Variants in MYO3A observed in about 807,000 individuals in gnomAD.
MYO3A encodes the protein myosin IIIA.
In MYO3A, 180 loss-of-function variants were observed where a neutral mutation model predicts 192.7. The ratio of observed to expected loss-of-function variants is 0.93; its 90% CI spans 0.83 to 1.06. MYO3A has a LOEUF of 1.06. Ranked by LOEUF, MYO3A falls within the 50% of genes least tolerant of loss-of-function variation. The pLI, the probability that MYO3A is intolerant of heterozygous loss-of-function variation, is 0.00. For missense variants in MYO3A, 1,896 were observed against 1,905.0 expected (o/e 1.00, Z 0.09); for synonymous variants, 628 against 645.3 (o/e 0.97, Z 0.41).
intron 10 of MYO3A, among the ~76,000 whole-genome samples, chr10:26,043,498 G>C (rs1239109612): frequency 6.6e-6 from 1 of 152,158 alleles, no homozygotes; most frequent in Non-Finnish European, 1.5e-5. Flanking sequence ...GTGTTCTATT[G>C]TAGTGTGGGT....
intron 20 of MYO3A, among the ~76,000 whole-genome samples, chr10:26,133,140 C>A (rs1839636314): frequency 1.3e-5 from 2 of 152,104 alleles, no homozygotes; most frequent in African/African-American, 4.8e-5. Context: ...AACTTTCTTC[C>A]CTATTAAGTC....
intron 14 of MYO3A, among the ~76,000 whole-genome samples, chr10:26,087,916 A>G (rs1034363764): frequency 3.9e-5 from 6 of 152,236 alleles, no homozygotes; most frequent in Non-Finnish European, 5.9e-5. Flanking sequence ...GTGTACTTCA[A>G]TGTGCGTAGG....
chr10:25,972,939 G>A (rs1221791470), intron 4 of MYO3A, among the ~76,000 whole-genome samples: 2 of 152,132 alleles, frequency 1.3e-5, no homozygotes, highest in East Asian at 3.9e-4. Flanking sequence ...TTTGTGGCTA[G>A]CTTTGAGGTT....
At chr10:25,942,212 G>A (rs1270556398) in intron 2 of MYO3A, among the ~76,000 whole-genome samples, 2 of 151,990 alleles carry the variant, frequency 1.3e-5, no homozygotes, top group Admixed American at 1.3e-4. Flanking sequence ...ATGTTGGCCA[G>A]GCCGGTCTTG....
At chr10:26,068,445 C>T (rs1347419321) in intron 11 of MYO3A, among the ~76,000 whole-genome samples, 2 of 152,100 alleles carry the variant, frequency 1.3e-5, no homozygotes. Context: ...CTCTTTACTT[C>T]GTTTTTAATC....
At chr10:26,144,251 AT>A (rs1466449245) in intron 21 of MYO3A, among the ~76,000 whole-genome samples, 2 of 152,148 alleles carry the variant, frequency 1.3e-5, no homozygotes, top group Admixed American at 1.3e-4. Context: ...TGAAAAAAAA[AT>A]GTTTTTAAAC....
At chr10:26,108,622 C>CAATA (rs772403783) in intron 17 of MYO3A, among the ~76,000 whole-genome samples, 1 of 152,134 alleles carries the variant, frequency 6.6e-6, no homozygotes, top group Non-Finnish European at 1.5e-5. Flanking sequence ...TGATCATCTG[C>CAATA]TTGCCAAAAG....
chr10:25,994,908 G>T (rs1451717877), intron 4 of MYO3A, among the ~76,000 whole-genome samples: 1 of 152,098 alleles, frequency 6.6e-6, no homozygotes, highest in Non-Finnish European at 1.5e-5. Flanking sequence ...TCCCTTTGTG[G>T]GTAACCCGAT....
chr10:26,175,274 C>T (rs1203444314), intron 30 of MYO3A, among the ~76,000 whole-genome samples: 1 of 152,290 alleles, frequency 6.6e-6, no homozygotes, highest in South Asian at 2.1e-4. Context: ...ATGGAAAGAT[C>T]GCAAGAACCG....
In MYO3A at chr10:26,128,394, G is replaced by C; in HGVS notation, c.2118G>C (p.Gly706=). The change falls in exon 20 of 35, where the codon GGG becomes GGC. Residue 706 remains glycine (G), a synonymous_variant. Transcript: ENST00000642920. ...AATGCCTCTTCAATTCTTCTAGTGG[G>C]AATGGTGATGAGCTGAGCATTGGCA... ...SLLKHDSSPS[G]NGDELSIGIL... is the part of the protein sequence containing the mutation. The C allele has an allele frequency of 6.2e-7, 1 of 1,612,840 alleles. No individual in the cohort carries two copies. Among genetic ancestry groups the C allele is most frequent in the South Asian group, 1.1e-5 (1 of 91,032 alleles).
intron 32 of MYO3A, among the ~76,000 whole-genome samples, chr10:26,194,813 G>A (rs888170558): frequency 1.3e-5 from 2 of 152,120 alleles, no homozygotes; most frequent in Non-Finnish European, 2.9e-5. Flanking sequence ...TCTCTCTGTA[G>A]CTCCAGACTC....
At chr10:26,009,660 A>C (rs1841495072) in intron 6 of MYO3A, among the ~76,000 whole-genome samples, 1 of 152,210 alleles carries the variant, frequency 6.6e-6, no homozygotes, top group Admixed American at 6.5e-5. Context: ...CAGCTGTAGA[A>C]ATTTTATTAA....
chr10:26,106,892 A>ATTT (rs1367623531), intron 17 of MYO3A, among the ~76,000 whole-genome samples: 1 of 151,368 alleles, frequency 6.6e-6, no homozygotes, highest in African/African-American at 2.4e-5. Flanking sequence ...TTTATTTCGA[A>ATTT]TTTTTGCATC....
chr10:26,202,969 G>A lies in MYO3A; in HGVS notation c.4592G>A (p.Gly1531Glu), dbSNP rs868284788. 1.2e-6 allele frequency: 2 copies of A among 1,613,516 alleles called. No homozygotes were observed. Among genetic ancestry groups the A allele is most frequent in the South Asian group, 1.1e-5 (1 of 91,046 alleles). ...GTTTATGTGTTCATTTACAGTCAGGGAAAATTATTAGATTTGGAAGATTTC... is the reference window on the plus strand; with the variant it reads ...GTTTATGTGTTCATTTACAGTCAGGAAAAATTATTAGATTTGGAAGATTTC... Reference protein sequence around the residue: ...EKRRPRKDSQGKLLDLEDFYY... With the variant: ...EKRRPRKDSQEKLLDLEDFYY... The change falls in exon 34 of 35, where the codon GGA (glycine) becomes GAA (glutamate). Residue 1531 changes from glycine (G) to glutamate (E), a missense_variant. Coordinates refer to ENST00000642920, the MANE Select transcript of MYO3A (RefSeq NM_017433.5).
At chr10:26,063,796 T>C (rs1462481384) in intron 10 of MYO3A, among the ~76,000 whole-genome samples, 1 of 152,228 alleles carries the variant, frequency 6.6e-6, no homozygotes, top group African/African-American at 2.4e-5. Context: ...CAGGGATGTA[T>C]AGTTTAAGAA....
chr10:26,047,928 AGTGCAGAGCAACT>A (rs1472073024), intron 10 of MYO3A, among the ~76,000 whole-genome samples: 4 of 152,138 alleles, frequency 2.6e-5, no homozygotes, highest in Admixed American at 2.0e-4. Context: ...GGTTGAATGG[AGTGCAGAGCAACT>A]GTTTTCCCTG....
intron 26 of MYO3A, among the ~76,000 whole-genome samples, chr10:26,165,261 G>A (rs1321839572): frequency 6.6e-6 from 1 of 152,106 alleles, no homozygotes; most frequent in Non-Finnish European, 1.5e-5. Flanking sequence ...ACATATCAGG[G>A]CCTCTCTTTT....
intron 31 of MYO3A, among the ~76,000 whole-genome samples, chr10:26,185,312 C>CCATA (rs1842808804): frequency 6.7e-6 from 1 of 149,010 alleles, no homozygotes; most frequent in Non-Finnish European, 1.5e-5. Flanking sequence ...TGCTACCATA[C>CCATA]CATACATTCC....
At chr10:26,018,795 C>CA (rs760611237) in intron 7 of MYO3A, among the ~76,000 whole-genome samples, 59 of 152,114 alleles carry the variant, frequency 3.9e-4, no homozygotes, top group Non-Finnish European at 7.9e-4. Context: ...TTCACCTGAG[C>CA]CTATATGGGT....
Sources: gnomAD v4.1 joint callset for allele counts (sites outside exome capture counted in the v4.1 genomes callset) on GRCh38, gnomAD v4.1.1 for gene constraint, MANE v1.5 for transcripts, NCBI Gene and HGNC (gene_info 2026-07-23, HGNC 2026-07-21) for gene names.